CHD9: variants seen among roughly 807,000 people sequenced by gnomAD.
The protein encoded by CHD9 is ATP-dependent chromatin remodeler CHD9.
Under a neutral mutation model 316.1 loss-of-function variants are expected in CHD9, and 77 were observed. That is an observed-to-expected ratio of 0.24 (90% CI 0.20 to 0.29). The LOEUF (loss-of-function observed/expected upper bound fraction) is 0.29. CHD9 is among the 10% of genes least tolerant of loss of function. The pLI, the probability that CHD9 is intolerant of heterozygous loss-of-function variation, is 1.00. For missense variants in CHD9, 2,763 were observed against 3,438.1 expected, an observed-to-expected ratio of 0.80 and a Z score of 4.91; for synonymous variants, 1,129 against 1,158.3, an observed-to-expected ratio of 0.97 and a Z score of 0.51.
At chr16:53,083,012 G>GATGAACCTTGTGAT (rs1318382112) in intron 1 of CHD9, among the ~76,000 whole-genome samples, 8 of 152,226 alleles carry the variant, frequency 5.3e-5, no homozygotes, top group Non-Finnish European at 1.2e-4. Context: ...CTTGTTCATT[G>GATGAACCTTGTGAT]ATGTAACCTT....
At chr16:53,065,508 A>G (rs7189713) in intron 1 of CHD9, among the ~76,000 whole-genome samples, 101,807 of 151,530 alleles carry the variant, frequency 0.67, 34,903 homozygotes, top group African/African-American at 0.76. Context: ...GTGGGCGAGC[A>G]CCTGTAGTCT....
Position 53,304,359 on chromosome 16 carries a change from C to A in CHD9, c.6353C>A (p.Ser2118Tyr). ...RTEPLTPNPASKKPRVHKRGS... is the reference protein window; with the variant it reads ...RTEPLTPNPAYKKPRVHKRGS... Reference sequence around the variant, plus strand: ...GAACCCCTAACTCCAAACCCAGCTTCTAAGAAACCAAGAGTCCACAAAAGG... The same window carrying A: ...GAACCCCTAACTCCAAACCCAGCTTATAAGAAACCAAGAGTCCACAAAAGG... The change falls in exon 31 of 39, where the codon TCT (serine) becomes TAT (tyrosine). Residue 2118 changes from serine to tyrosine, a missense_variant. Physicochemically the swap from Ser to Tyr is moderately radical, Grantham distance 144 (BLOSUM62 -2). Around this residue, in one of 15 missense-constraint regions of CHD9, gnomAD observed 663 missense variants for 751.2 expected, o/e 0.88. Coordinates refer to ENST00000447540, the MANE Select transcript of CHD9 (RefSeq NM_001308319.2). 1 of 1,613,400 alleles carries A rather than the reference C, an allele frequency of 6.2e-7. No homozygotes were observed. The highest frequency in any genetic ancestry group is 1.1e-5 in the South Asian group (1 of 91,016).
chr16:53,203,329 G>A (rs1252360072), intron 2 of CHD9, among the ~76,000 whole-genome samples: 1 of 151,716 alleles, frequency 6.6e-6, no homozygotes, highest in East Asian at 1.9e-4. Flanking sequence ...TCCTTTCTTG[G>A]CTTCCATGGC....
chr16:53,057,439 G>C (rs1254682072), intron 1 of CHD9, among the ~76,000 whole-genome samples: 1 of 151,962 alleles, frequency 6.6e-6, no homozygotes, highest in African/African-American at 2.4e-5. Flanking sequence ...GGATACCTGA[G>C]GTCAAGAGTT....
intron 2 of CHD9, among the ~76,000 whole-genome samples, chr16:53,188,988 A>G (rs968542868): frequency 2.0e-5 from 3 of 151,936 alleles, no homozygotes; most frequent in Admixed American, 2.0e-4. Flanking sequence ...TATATATTTT[A>G]GATACAAATC....
chr16:53,102,246 C>T (rs745637498), intron 1 of CHD9, among the ~76,000 whole-genome samples: 23 of 152,126 alleles, frequency 1.5e-4, no homozygotes, highest in Non-Finnish European at 3.2e-4. Context: ...TGTTTCTCTA[C>T]ATTTAGGATG....
At chr16:53,114,152 A>G (rs2038088816) in intron 1 of CHD9, among the ~76,000 whole-genome samples, 1 of 152,186 alleles carries the variant, frequency 6.6e-6, no homozygotes, top group South Asian at 2.1e-4. Context: ...CATAACAAAA[A>G]CATATGAACA....
At chr16:53,100,040 A>G (rs1454249532) in intron 1 of CHD9, among the ~76,000 whole-genome samples, 1 of 152,196 alleles carries the variant, frequency 6.6e-6, no homozygotes, top group East Asian at 1.9e-4. Flanking sequence ...GCTCCCTGCC[A>G]GGCCCTGACC....
intron 34 of CHD9, among the ~76,000 whole-genome samples, chr16:53,313,223 G>A (rs1340916508): frequency 1.6e-5 from 2 of 127,102 alleles, no homozygotes; most frequent in African/African-American, 6.1e-5. Context: ...AATGGACTAG[G>A]GAAATCCAAG....
At chr16:53,151,398 C>T (rs745610082) in intron 1 of CHD9, among the ~76,000 whole-genome samples, 9 of 151,920 alleles carry the variant, frequency 5.9e-5, no homozygotes, top group Non-Finnish European at 7.4e-5. Flanking sequence ...GGATTACAGG[C>T]GCCTGCCATC....
At position 53,156,194 on chromosome 16, in the gene CHD9, A is replaced by G; in HGVS notation, c.105A>G (p.Leu35=). 1 of 1,614,004 alleles carries G rather than the reference A, an allele frequency of 6.2e-7. No individual in the cohort carries two copies. Among genetic ancestry groups the G allele is most frequent in the Non-Finnish European group, 8.5e-7 (1 of 1,179,892 alleles). The part of the protein sequence containing the change: ...DAFVQPGPVS[L]VDELNLGAEF... ...TTGTACAACCAGGACCTGTTTCACT[A>G]GTTGATGAATTGAATTTGGGTGCAG... The change falls in exon 2 of 39, where the codon CTA becomes CTG. Residue 35 remains leucine (L), a synonymous_variant. Transcript: ENST00000447540.
At chr16:53,181,376 A>T (rs1480392714) in intron 2 of CHD9, among the ~76,000 whole-genome samples, 1 of 152,004 alleles carries the variant, frequency 6.6e-6, no homozygotes, top group African/African-American at 2.4e-5. Flanking sequence ...GAATAAGTGA[A>T]ACTTGTCATG....
At chr16:53,261,577 A>C (rs570549601) in intron 19 of CHD9, among the ~76,000 whole-genome samples, 11 of 151,914 alleles carry the variant, frequency 7.2e-5, no homozygotes, top group Admixed American at 7.2e-4. Flanking sequence ...GGGTCTCACT[A>C]TGTTGCCCAG....
chr16:53,105,530 T>C (rs1204882455), intron 1 of CHD9, among the ~76,000 whole-genome samples: 2 of 152,230 alleles, frequency 1.3e-5, no homozygotes, highest in African/African-American at 2.4e-5. Context: ...ACCAGTTCCC[T>C]AAGATGGTCA....
At chr16:53,153,843 T>C (rs1421205669) in intron 1 of CHD9, among the ~76,000 whole-genome samples, 8 of 152,144 alleles carry the variant, frequency 5.3e-5, no homozygotes. Context: ...CCTTGCCAAT[T>C]TCCAGATTTA....
intron 1 of CHD9, among the ~76,000 whole-genome samples, chr16:53,148,462 A>AGC (rs2040822549): frequency 6.6e-6 from 1 of 152,114 alleles, no homozygotes; most frequent in Non-Finnish European, 1.5e-5. Flanking sequence ...ACCATTTTAC[A>AGC]TTCCTATGAG....
At chr16:53,145,387 G>T (rs922173589) in intron 1 of CHD9, among the ~76,000 whole-genome samples, 2 of 151,188 alleles carry the variant, frequency 1.3e-5, no homozygotes, top group African/African-American at 2.4e-5. Context: ...CCGACCTCAG[G>T]TGATCTGCCC....
At chr16:53,222,304 A>G (rs995952691) in intron 3 of CHD9, among the ~76,000 whole-genome samples, 3 of 151,908 alleles carry the variant, frequency 2.0e-5, no homozygotes, top group African/African-American at 4.8e-5. Flanking sequence ...TCGAACTCCT[A>G]ACCTTTTTCC....
chr16:53,061,793 A>G (rs1033949548), intron 1 of CHD9, among the ~76,000 whole-genome samples: 2 of 152,170 alleles, frequency 1.3e-5, no homozygotes, highest in Non-Finnish European at 2.9e-5. Flanking sequence ...GGCATCTGGA[A>G]ATGTCTGCAG....
Sources: gnomAD v4.1 joint callset for allele counts (sites outside exome capture counted in the v4.1 genomes callset) on GRCh38, gnomAD v4.1.1 for gene constraint, gnomAD v4.1.1 regional missense constraint, MANE v1.5 for transcripts, NCBI Gene and HGNC (gene_info 2026-07-23, HGNC 2026-07-21) for gene names.